Variants in PCDH10 observed in about 807,000 individuals in gnomAD.
PCDH10 encodes protocadherin-10.
A neutral mutation model predicts 74.4 loss-of-function variants in PCDH10; 15 were observed. That is an observed-to-expected ratio of 0.20 (90% confidence interval 0.13 to 0.31). PCDH10 has a LOEUF of 0.31. Ranked by LOEUF, PCDH10 falls within the 10% of genes least tolerant of loss-of-function variation. The pLI is 1.00. For missense variants in PCDH10, 1,260 were observed against 1,390.2 expected (o/e 0.91, Z 1.49); for synonymous variants, 619 against 589.8 (o/e 1.05, Z -0.72).
chr4:133,194,267 T>C lies in PCDH10; in HGVS notation c.*4107T>C, dbSNP rs1727745175. Reference sequence around the variant, plus strand: ...ACATGCTTAGTTTGAAGTTTTACTCTCCAGATGTTTTTGAGTTGCATAAAA... The same window carrying C: ...ACATGCTTAGTTTGAAGTTTTACTCCCCAGATGTTTTTGAGTTGCATAAAA... On this transcript the variant is annotated 3_prime_UTR_variant, in exon 5 of 5. Coordinates refer to ENST00000264360, the MANE Select transcript of PCDH10 (RefSeq NM_032961.3). The C allele has an allele frequency of 1.3e-5, 2 of 151,874 alleles. No individual in the cohort carries two copies. The highest frequency in any genetic ancestry group is 4.1e-4 in the South Asian group (2 of 4,836). The allele number at this position is 151,874 out of a possible 1,614,324, so 9.4% of individuals were successfully genotyped here. A position where few individuals can be genotyped will look rare whatever the true frequency, so the allele number is the denominator to read the frequency against.
rs1727744678 is a variant in PCDH10, at chr4:133,194,247, C to G, written c.*4087C>G. 6.6e-6 allele frequency: 1 copy of G among 151,736 alleles called. No individual in the cohort carries two copies. The highest frequency in any genetic ancestry group is 2.1e-4 in the South Asian group (1 of 4,832). The allele number at this position is 151,736 out of a possible 1,614,324, so 9.4% of individuals were successfully genotyped here. On this transcript the variant is annotated 3_prime_UTR_variant, in exon 5 of 5. Coordinates refer to ENST00000264360, the MANE Select transcript of PCDH10 (RefSeq NM_032961.3). ...TTATTTCTTGAAAAGTTGTCACATG[C>G]TTAGTTTGAAGTTTTACTCTCCAGA...
In PCDH10 at chr4:133,191,145, A is replaced by T. The variant is rs1164219300; in HGVS notation, c.*985A>T. ...CACTTAAAGCTTTTATAAAGAATCG[A>T]TAAATTCACCTGTATTTGTTGTTAG... On this transcript the variant is annotated 3_prime_UTR_variant, in exon 5 of 5. Coordinates refer to ENST00000264360, the MANE Select transcript of PCDH10 (RefSeq NM_032961.3). The T allele has an allele frequency of 6.6e-6, 1 of 152,404 alleles. No homozygotes were observed. The highest frequency in any genetic ancestry group is 6.6e-5 in the Admixed American group (1 of 15,206). The allele number at this position is 152,404 out of a possible 1,614,324, so 9.4% of individuals were successfully genotyped here. A position where few individuals can be genotyped will look rare whatever the true frequency, so the allele number is the denominator to read the frequency against.
At chr4:133,204,186 C>T (rs532519408) in intron 2 of PCDH10, among the ~76,000 whole-genome samples, 3 of 152,166 alleles carry the variant, frequency 2.0e-5, no homozygotes, top group African/African-American at 7.2e-5. Flanking sequence ...AAGGTGGCTA[C>T]CCTTGCCTGA....
Position 133,149,941 on chromosome 4 carries a change from T to A in PCDH10, c.-200T>A, listed in dbSNP as rs1578553934. On this transcript the variant is annotated 5_prime_UTR_variant, in exon 1 of 5. The change abolishes the stop of an existing upstream ORF in the 5' untranslated region. Transcript: ENST00000264360. ...CTGTCACCCTTCCTGTGCTAAGATT[T>A]AAAAAAAAATGAGGCTGGATTGCGG... 6 of 611,916 alleles carry A rather than the reference T, an allele frequency of 9.8e-6. No individual in the cohort carries two copies. The highest frequency in any genetic ancestry group is 4.3e-5 in the South Asian group (1 of 23,340). 37.9% of individuals were successfully genotyped at this position (611,916 alleles called of 1,614,324 possible). A position where few individuals can be genotyped will look rare whatever the true frequency, so the allele number is the denominator to read the frequency against.
chr4:133,154,461 T>C, intron 2 of PCDH10, 96 bp downstream of exon 2: 1 of 674,698 alleles, frequency 1.5e-6, no homozygotes, highest in Non-Finnish European at 2.5e-6. Context: ...TTGAAATGTA[T>C]AAAATATTTT....
At chr4:133,201,648 G>T (rs912987181) in intron 2 of PCDH10, among the ~76,000 whole-genome samples, 3 of 151,986 alleles carry the variant, frequency 2.0e-5, no homozygotes, top group Non-Finnish European at 4.4e-5. Flanking sequence ...ACTGAGGTCG[G>T]AAGTTTGAGA....
chr4:133,204,256 C>T (rs1292680675), intron 2 of PCDH10, among the ~76,000 whole-genome samples: 7 of 152,068 alleles, frequency 4.6e-5, no homozygotes, highest in Non-Finnish European at 1.0e-4. Flanking sequence ...GGTATCGGTC[C>T]CCTCCCTTTC....
intron 2 of PCDH10, among the ~76,000 whole-genome samples, chr4:133,201,885 T>C (rs1461078237): frequency 6.8e-6 from 1 of 147,012 alleles, no homozygotes; most frequent in Non-Finnish European, 1.5e-5. Context: ...AAAGGAATTG[T>C]GCTTGGGGAT....
At chr4:133,168,903 T>A (rs1727142879) in intron 4 of PCDH10, among the ~76,000 whole-genome samples, 1 of 151,760 alleles carries the variant, frequency 6.6e-6, no homozygotes, top group Middle Eastern at 3.2e-3. Context: ...AGTTATACTC[T>A]TTTTTAGCTA....
At chr4:133,204,324 A>G (rs887142956) in intron 2 of PCDH10, among the ~76,000 whole-genome samples, 2 of 152,116 alleles carry the variant, frequency 1.3e-5, no homozygotes, top group Non-Finnish European at 2.9e-5. Flanking sequence ...GTCACAGTTA[A>G]CATCCACATG....
rs1427256223 is a variant in PCDH10 at position 133,154,386 on chromosome 4, T to G, written c.2690+21T>G. 2.0e-6 allele frequency: 3 copies of G among 1,501,912 alleles called. No homozygotes were observed. In the African/African-American group the frequency reaches 4.2e-5, roughly 21 times the overall value. 93.0% of individuals were successfully genotyped at this position (1,501,912 alleles called of 1,614,324 possible). A position where few individuals can be genotyped will look rare whatever the true frequency, so the allele number is the denominator to read the frequency against. ...AACAGGTATGGACTCTTTTTTTCCCTAGCAGTAATGGACAATTTACAACCT... is the reference window on the plus strand; with the variant it reads ...AACAGGTATGGACTCTTTTTTTCCCGAGCAGTAATGGACAATTTACAACCT... On this transcript the variant is annotated intron_variant, in intron 2 of 4. Transcript: ENST00000264360.
chr4:133,186,461 T>C (rs906904070), intron 4 of PCDH10, among the ~76,000 whole-genome samples: 44 of 152,020 alleles, frequency 2.9e-4, no homozygotes, highest in African/African-American at 8.9e-4. Flanking sequence ...GAAAAAGAAA[T>C]CCTCCAAGCA....
At position 133,150,586 on chromosome 4, in the gene PCDH10, C is replaced by T. The variant is rs1414365466; in HGVS notation, c.446C>T (p.Pro149Leu). Reference sequence around the variant, plus strand: ...TTCCCCTTGGAGAGCGCATTCGACCCAGACGTGGGCACCAACTCCTTGCGC... The same window carrying T: ...TTCCCCTTGGAGAGCGCATTCGACCTAGACGTGGGCACCAACTCCTTGCGC... ...TRFPLESAFD[P>L]DVGTNSLRDY... is the part of the protein sequence containing the mutation. Residue 149 changes from proline (P) to leucine (L), a missense_variant, in exon 1 of 5, where the codon CCA becomes CTA. By Grantham distance (98) the Pro-to-Leu change is moderately conservative (BLOSUM62 -3). Coordinates refer to ENST00000264360, the MANE Select transcript of PCDH10 (RefSeq NM_032961.3). 1 of 1,613,614 alleles carries T rather than the reference C, an allele frequency of 6.2e-7. No individual in the cohort carries two copies. The highest frequency in any genetic ancestry group is 1.3e-5 in the African/African-American group (1 of 74,858).
At chr4:133,188,450 A>C (rs2125873115) in intron 4 of PCDH10, among the ~76,000 whole-genome samples, 1 of 152,262 alleles carries the variant, frequency 6.6e-6, no homozygotes, top group Non-Finnish European at 1.5e-5. Context: ...CTATTAAAAT[A>C]ATAATTCCGT....
chr4:133,190,308 A>G lies in PCDH10; in HGVS notation c.*148A>G. 1 of 709,014 alleles carries G rather than the reference A, an allele frequency of 1.4e-6. No homozygotes were observed. The highest frequency in any genetic ancestry group is 2.6e-6 in the Non-Finnish European group (1 of 389,208). The allele number at this position is 709,014 out of a possible 1,614,324, so 43.9% of individuals were successfully genotyped here. On this transcript the variant is annotated 3_prime_UTR_variant, in exon 5 of 5. Transcript: ENST00000264360. ...TCGGATGGAGTCATCATGGCCAATT[A>G]TAGGACCTAATTGCTCTCAGCAGGC...
At chr4:133,184,286 A>T (rs2125871455) in intron 4 of PCDH10, among the ~76,000 whole-genome samples, 1 of 152,240 alleles carries the variant, frequency 6.6e-6, no homozygotes, top group African/African-American at 2.4e-5. Flanking sequence ...GGAAAAAAGC[A>T]AATTTAGTCT....
At position 133,192,236 on chromosome 4, in the gene PCDH10, A is replaced by G. The variant is rs1220951404; in HGVS notation, c.*2076A>G. On this transcript the variant is annotated 3_prime_UTR_variant, in exon 5 of 5. Transcript: ENST00000264360. ...TTTTCTTAAACTTTGGCATTACTAC[A>G]TTAATATTTTGAATGATAGACTATT... The G allele has an allele frequency of 6.6e-6, 1 of 151,678 alleles. No individual in the cohort carries two copies. The highest frequency in any genetic ancestry group is 1.5e-5 in the Non-Finnish European group (1 of 67,662). 9.4% of individuals were successfully genotyped at this position (151,678 alleles called of 1,614,324 possible). A position where few individuals can be genotyped will look rare whatever the true frequency, so the allele number is the denominator to read the frequency against.
intron 4 of PCDH10, among the ~76,000 whole-genome samples, chr4:133,173,981 A>C (rs867935513): frequency 6.6e-6 from 1 of 152,080 alleles, no homozygotes; most frequent in Middle Eastern, 3.4e-3. Context: ...ACATTAAGCT[A>C]TTATTATACA....
chr4:133,187,439 A>G (rs1372529301), intron 4 of PCDH10, among the ~76,000 whole-genome samples: 2 of 152,080 alleles, frequency 1.3e-5, no homozygotes, highest in Non-Finnish European at 2.9e-5. Flanking sequence ...GCCCTCACAG[A>G]CACTGAGGGA....
Sources: allele counts gnomAD v4.1 joint callset (sites outside exome capture counted in the v4.1 genomes callset), GRCh38; gene constraint gnomAD v4.1.1; transcripts MANE v1.5; gene names NCBI Gene and HGNC (gene_info 2026-07-23, HGNC 2026-07-21).